ARHGAP6: variants seen among roughly 807,000 people sequenced by gnomAD.
ARHGAP6 encodes the protein rho GTPase-activating protein 6.
Under a neutral mutation model 55.7 loss-of-function variants are expected in ARHGAP6, and 16 were observed. The observed-to-expected ratio is 0.29, with a 90% CI of 0.19 to 0.44. The LOEUF (loss-of-function observed/expected upper bound fraction) is 0.44. Among genes scored for constraint, ARHGAP6 ranks in the 20% least tolerant of loss-of-function variants. The probability of loss-of-function intolerance (pLI) is 1.00; values close to 1 mark genes in which losing one functional copy is unlikely to be tolerated. For missense variants in ARHGAP6, 698 were observed against 808.9 expected (o/e 0.86, Z 1.66); for synonymous variants, 382 against 360.9 (o/e 1.06, Z -0.66).
At chrX:11,550,177 T>C (rs964369293) in intron 1 of ARHGAP6, among the ~76,000 whole-genome samples, 1 of 111,634 alleles carries the variant, frequency 9.0e-6, no homozygotes, top group Non-Finnish European at 1.9e-5. Flanking sequence ...TTAATTTGAT[T>C]TCAAACATTT....
chrX:11,353,972 T>C (rs2048894328), intron 1 of ARHGAP6, among the ~76,000 whole-genome samples: 1 of 111,049 alleles, frequency 9.0e-6, no homozygotes, highest in South Asian at 3.9e-4. Context: ...GATAAATTGA[T>C]TATCTCCAAG....
intron 1 of ARHGAP6, among the ~76,000 whole-genome samples, chrX:11,501,308 G>C (rs2050675741): frequency 9.0e-6 from 1 of 111,175 alleles, no homozygotes; most frequent in Admixed American, 9.6e-5. Flanking sequence ...GAATTACCTG[G>C]GTGTGATGGT....
At chrX:11,195,290 T>C (rs1272890870) in intron 3 of ARHGAP6, among the ~76,000 whole-genome samples, 1 of 108,324 alleles carries the variant, frequency 9.2e-6, no homozygotes, top group Admixed American at 9.8e-5. Flanking sequence ...AGGCAGAGGT[T>C]GCAGTGAGCC....
intron 9 of ARHGAP6, among the ~76,000 whole-genome samples, chrX:11,158,401 C>T (rs1025779815): frequency 8.0e-5 from 9 of 111,864 alleles, no homozygotes; most frequent in African/African-American, 1.6e-4. Flanking sequence ...ATCTGAGTCC[C>T]GGGACAAGCT....
intron 1 of ARHGAP6, among the ~76,000 whole-genome samples, chrX:11,590,862 A>AAAAGAAAAGAAAAGAAAAGAAGG (rs1569410930): frequency 4.9e-5 from 1 of 20,222 alleles, no homozygotes; most frequent in African/African-American, 3.6e-4. Flanking sequence ...AAAAGAAAAG[A>AAAAGAAAAGAAAAGAAAAGAAGG]AAAGAAGGAA....
chrX:11,510,376 T>C (rs2050774191), intron 1 of ARHGAP6, among the ~76,000 whole-genome samples: 1 of 111,082 alleles, frequency 9.0e-6, no homozygotes, highest in Admixed American at 9.7e-5. Flanking sequence ...GTAGTTTCTA[T>C]CACTAAAGAG....
chrX:11,496,617 A>C (rs1255340363), intron 1 of ARHGAP6, among the ~76,000 whole-genome samples: 4 of 112,300 alleles, frequency 3.6e-5, no homozygotes, highest in African/African-American at 1.3e-4. Context: ...ATTTTAAAGC[A>C]TTCTTATACA....
At chrX:11,358,430 T>C (rs2048959981) in intron 1 of ARHGAP6, among the ~76,000 whole-genome samples, 1 of 88,852 alleles carries the variant, frequency 1.1e-5, no homozygotes, top group Non-Finnish European at 2.2e-5. Context: ...GTTTTAACTG[T>C]ATCTTTCTTT....
chrX:11,588,335 G>A (rs1408840407), intron 1 of ARHGAP6, among the ~76,000 whole-genome samples: 1 of 112,232 alleles, frequency 8.9e-6, no homozygotes, highest in East Asian at 2.8e-4. Flanking sequence ...GGAGGGTGTG[G>A]CAGCTTTGCA....
At chrX:11,195,093 C>A (rs966306591) in intron 3 of ARHGAP6, among the ~76,000 whole-genome samples, 2 of 111,944 alleles carry the variant, frequency 1.8e-5, no homozygotes, top group African/African-American at 6.5e-5. Context: ...GTGGCTCATG[C>A]TTGTAATCCC....
intron 2 of ARHGAP6, among the ~76,000 whole-genome samples, chrX:11,201,728 T>A (rs1316492173): frequency 9.0e-6 from 1 of 111,434 alleles, no homozygotes; most frequent in East Asian, 2.8e-4. Flanking sequence ...CAGAGTGAAG[T>A]GGGGGAAAAG....
At chrX:11,472,017 C>T (rs940323733) in intron 1 of ARHGAP6, among the ~76,000 whole-genome samples, 3 of 112,375 alleles carry the variant, frequency 2.7e-5, no homozygotes, top group African/African-American at 9.7e-5. Context: ...GAACAAGACA[C>T]ATACCAGTTT....
chrX:11,570,977 T>C (rs1212715258), intron 1 of ARHGAP6, among the ~76,000 whole-genome samples: 1 of 111,050 alleles, frequency 9.0e-6, no homozygotes, highest in East Asian at 2.8e-4. Context: ...TTTGCCCTTC[T>C]GTCCCTTCTG....
intron 1 of ARHGAP6, among the ~76,000 whole-genome samples, chrX:11,397,470 CTATAATG>C (rs2049491119): frequency 9.0e-6 from 1 of 111,106 alleles, no homozygotes; most frequent in African/African-American, 3.3e-5. Context: ...TATATATTAT[CTATAATG>C]TATAATGTAT....
At chrX:11,258,087 T>C (rs1174316167) in intron 1 of ARHGAP6, among the ~76,000 whole-genome samples, 2 of 111,509 alleles carry the variant, frequency 1.8e-5, no homozygotes, top group South Asian at 3.8e-4. Context: ...TTTTCCTCCA[T>C]AGACGATGGC....
intron 1 of ARHGAP6, among the ~76,000 whole-genome samples, chrX:11,572,496 T>A (rs1202765372): frequency 9.0e-6 from 1 of 111,417 alleles, no homozygotes; most frequent in Non-Finnish European, 1.9e-5. Context: ...ATTTCATCCA[T>A]GTCCCTACAA....
At chrX:11,166,579 G>A (rs766085880) in intron 9 of ARHGAP6, among the ~76,000 whole-genome samples, 2 of 111,586 alleles carry the variant, frequency 1.8e-5, no homozygotes, top group African/African-American at 6.5e-5. Context: ...ATGCAGATCA[G>A]CTTTGCTGAC....
chrX:11,187,984 A>T (rs1421704535), intron 4 of ARHGAP6, among the ~76,000 whole-genome samples: 1 of 111,709 alleles, frequency 9.0e-6, no homozygotes, highest in Non-Finnish European at 1.9e-5. Flanking sequence ...GTGAGCAGTG[A>T]TCATGCCACT....
chrX:11,484,659 G>A (rs1007755607), intron 1 of ARHGAP6, among the ~76,000 whole-genome samples: 1 of 111,012 alleles, frequency 9.0e-6, no homozygotes, highest in African/African-American at 3.3e-5. Flanking sequence ...TACATAATTG[G>A]GATTCTAAAA....
Sources: gnomAD v4.1 joint callset for allele counts (sites outside exome capture counted in the v4.1 genomes callset) on GRCh38, gnomAD v4.1.1 for gene constraint, MANE v1.5 for transcripts, NCBI Gene and HGNC (gene_info 2026-07-23, HGNC 2026-07-21) for gene names.